The following CHRNA9 variants were observed in gnomAD, a reference collection of about 807,000 sequenced individuals.
CHRNA9 encodes the protein neuronal acetylcholine receptor subunit alpha-9.
A neutral mutation model predicts 36.8 loss-of-function variants in CHRNA9; 24 were observed. That is an observed-to-expected ratio of 0.65 (90% confidence interval 0.47 to 0.92). The LOEUF (loss-of-function observed/expected upper bound fraction) is 0.92. CHRNA9 is among the 40% of genes least tolerant of loss of function. CHRNA9 has a pLI of 0.00. For missense variants in CHRNA9, 610 were observed against 601.2 expected, an observed-to-expected ratio of 1.01 and a Z score of -0.15; for synonymous variants, 231 against 231.8, an observed-to-expected ratio of 1.00 and a Z score of 0.03.
chr4:40,337,643 T>C (rs972610839), intron 3 of CHRNA9, among the ~76,000 whole-genome samples: 3 of 152,032 alleles, frequency 2.0e-5, no homozygotes, highest in Non-Finnish European at 2.9e-5. Flanking sequence ...CATAACAGAG[T>C]AGCACAGATT....
In CHRNA9 at chr4:40,354,604, C is replaced by T. The variant is rs749110452; in HGVS notation, c.*84C>T. The T allele has an allele frequency of 1.4e-4, 174 of 1,209,130 alleles. No individual in the cohort carries two copies. The highest frequency in any genetic ancestry group is 1.2e-4 in the Non-Finnish European group (101 of 858,584). 74.9% of individuals were successfully genotyped at this position (1,209,130 alleles called of 1,614,324 possible). A position where few individuals can be genotyped will look rare whatever the true frequency, so the allele number is the denominator to read the frequency against. Reference sequence around the variant, plus strand: ...CCAATGTTCTTCCAAGATTTTTGTTCATCTATAATTTAGGGGTTATGTTGT... The same window carrying T: ...CCAATGTTCTTCCAAGATTTTTGTTTATCTATAATTTAGGGGTTATGTTGT... On this transcript the variant is annotated 3_prime_UTR_variant, in exon 5 of 5. Coordinates refer to ENST00000310169, the MANE Select transcript of CHRNA9 (RefSeq NM_017581.4).
intron 3 of CHRNA9, 147 bp from the exon 4 acceptor site, chr4:40,348,735 G>A (rs984880282): frequency 5.9e-5 from 41 of 694,826 alleles, no homozygotes; most frequent in Non-Finnish European, 9.1e-5. Context: ...AATTAGAGTT[G>A]ATTCCAGACT....
At chr4:40,341,175 T>A (rs939953760) in intron 3 of CHRNA9, among the ~76,000 whole-genome samples, 2 of 152,110 alleles carry the variant, frequency 1.3e-5, no homozygotes, top group Non-Finnish European at 2.9e-5. Context: ...GTGGCTGGTA[T>A]AAGAGGCTAC....
rs533343838 is a variant in CHRNA9, at chr4:40,345,135, A to C, written c.366-3747A>C. The stretch of plus-strand genomic sequence containing the variant: ...GAATAGATCATGGAATATCTAGAAC[A>C]CTAAACTGCGGAGGTGCAGAAGTAT... On this transcript the variant is annotated intron_variant, in intron 3 of 4. Transcript: ENST00000310169. Among the ~76,000 whole-genome samples the C allele has an allele frequency of 1.4e-4, 22 of 152,332 alleles. No homozygotes were observed. The East Asian group carries it at 4.0e-3, about 28-fold the overall frequency.
In CHRNA9 at chr4:40,348,882, G is replaced by A. The variant is rs551359710; in HGVS notation, c.366G>A (p.Lys122=). The change falls in exon 4 of 5, where the codon AAG becomes AAA. Residue 122 remains lysine (K), a splice_region_variant and synonymous_variant. Transcript: ENST00000310169. ...TTCATTTTCCTTATCTGACCTTCAG[G>A]GCTGATGATGAATCTTCAGAGCCTG... is the stretch of plus-strand genomic sequence containing the variant. The part of the protein sequence containing the change: ...VWRPDIVLYN[K]ADDESSEPVN... The A allele has an allele frequency of 6.8e-6, 11 of 1,610,642 alleles. No individual in the cohort carries two copies. The African/African-American group carries it at 9.3e-5, about 14-fold the overall frequency.
In CHRNA9 at chr4:40,354,610, T is replaced by C. The variant is rs1394263834; in HGVS notation, c.*90T>C. 9.2e-7 allele frequency: 1 copy of C among 1,087,200 alleles called. No individual in the cohort carries two copies. The highest frequency in any genetic ancestry group is 1.3e-6 in the Non-Finnish European group (1 of 747,970). 67.3% of individuals were successfully genotyped at this position (1,087,200 alleles called of 1,614,324 possible). ...TTCTTCCAAGATTTTTGTTCATCTA[T>C]AATTTAGGGGTTATGTTGTCTGTGC... On this transcript the variant is annotated 3_prime_UTR_variant, in exon 5 of 5. Transcript: ENST00000310169.
Position 40,354,095 on chromosome 4 carries a change from G to A in CHRNA9, c.1015G>A (p.Val339Met). The change falls in exon 5 of 5, where the codon GTG becomes ATG. Residue 339 changes from valine (V) to methionine (M), a missense_variant. Val to Met is a conservative substitution (Grantham distance 21, BLOSUM62 1). Coordinates refer to ENST00000310169, the MANE Select transcript of CHRNA9 (RefSeq NM_017581.4). ...EARPVPHWAR[V>M]VILKYMSRVL... ...CCGGCCGGTGCCACACTGGGCCAGG[G>A]TGGTCATCCTGAAATACATGTCCAG... The A allele has an allele frequency of 6.2e-7, 1 of 1,614,230 alleles. No homozygotes were observed. Among genetic ancestry groups the A allele is most frequent in the Non-Finnish European group, 8.5e-7 (1 of 1,180,032 alleles).
Position 40,349,294 on chromosome 4 carries a change from T to C in CHRNA9, c.778T>C (p.Tyr260His), listed in dbSNP as rs575272849. Residue 260 changes from tyrosine (Y) to histidine (H), a missense_variant, in exon 4 of 5, where the codon TAT becomes CAT. Tyr to His is a moderately conservative substitution (Grantham distance 83, BLOSUM62 2). Transcript: ENST00000310169. The part of the protein sequence containing the change: ...LISFLAPLSF[Y>H]LPAASGEKVS... ...ATCTTTTCTGGCTCCTCTGAGTTTT[T>C]ATCTCCCAGCAGCCTCCGGAGAAAA... is the stretch of plus-strand genomic sequence containing the variant. 4.3e-6 allele frequency: 7 copies of C among 1,614,198 alleles called. No homozygotes were observed. The highest frequency in any genetic ancestry group is 1.7e-5 in the Admixed American group (1 of 60,020).
intron 2 of CHRNA9, 127 bp from the exon 3 acceptor site, chr4:40,337,083 C>A: frequency 2.5e-6 from 2 of 786,406 alleles, no homozygotes; most frequent in Non-Finnish European, 4.1e-6. Flanking sequence ...AAGAATAAAG[C>A]TCTCACTTTA....
intron 4 of CHRNA9, among the ~76,000 whole-genome samples, chr4:40,350,871 G>A (rs1052076425): frequency 3.4e-4 from 52 of 152,174 alleles, no homozygotes; most frequent in African/African-American, 1.2e-3. Context: ...AAGATCATGG[G>A]GCGGTCCCAC....
At position 40,339,379 on chromosome 4, in the gene CHRNA9, TA is replaced by T. The variant is rs1179008532; in HGVS notation, c.365+2017del. Among the ~76,000 whole-genome samples, 1,435 of 150,954 alleles carry T rather than the reference TA, an allele frequency of 9.5e-3. 35 individuals carry two copies. Among genetic ancestry groups the T allele is most frequent in the African/African-American group, 0.033 (1,366 of 41,002 alleles). On this transcript the variant is annotated intron_variant, in intron 3 of 4. Transcript: ENST00000310169. ...AGAATTCTGTAAGTTCTTTTTTTTT[TA>T]ATTTTAAGACAGGGTCTGGGGGCCA...
intron 2 of CHRNA9, 29 bp downstream of exon 2, chr4:40,336,001 G>A: frequency 6.3e-7 from 1 of 1,589,732 alleles, no homozygotes; most frequent in East Asian, 2.2e-5. Flanking sequence ...TGACTCTGTG[G>A]AATGATTCTT....
intron 3 of CHRNA9, among the ~76,000 whole-genome samples, chr4:40,342,931 AG>A (rs1473910473): frequency 6.6e-6 from 1 of 152,034 alleles, no homozygotes; most frequent in Non-Finnish European, 1.5e-5. Context: ...AGGAAGAGAG[AG>A]GGGGGAACTT....
At position 40,337,270 on chromosome 4, in the gene CHRNA9, T is replaced by C. The variant is rs1712350955; in HGVS notation, c.271T>C (p.Tyr91His). The C allele has an allele frequency of 5.6e-6, 9 of 1,614,220 alleles. No individual in the cohort carries two copies. Among genetic ancestry groups the C allele is most frequent in the Non-Finnish European group, 7.6e-6 (9 of 1,180,032 alleles). Residue 91 changes from tyrosine (Y) to histidine (H), a missense_variant, in exon 3 of 5, where the codon TAT becomes CAT. Tyr to His is a moderately conservative substitution (Grantham distance 83). Coordinates refer to ENST00000310169, the MANE Select transcript of CHRNA9 (RefSeq NM_017581.4). ...LWIRQIWHDA[Y>H]LTWDRDQYDG... is the part of the protein sequence containing the mutation. ...GATCCGCCAAATCTGGCACGATGCC[T>C]ATCTCACGTGGGACCGAGATCAGTA...
chr4:40,339,195 C>T (rs573387798), intron 3 of CHRNA9, among the ~76,000 whole-genome samples: 6 of 142,806 alleles, frequency 4.2e-5, no homozygotes, highest in Non-Finnish European at 7.5e-5. Context: ...AGGAAACTCA[C>T]TTAAACCCGG....
At chr4:40,353,453 T>C (rs932784716) in intron 4 of CHRNA9, among the ~76,000 whole-genome samples, 1 of 150,278 alleles carries the variant, frequency 6.7e-6, no homozygotes, top group South Asian at 2.1e-4. Context: ...ATTGCACCAC[T>C]GCACTCCAGT....
In CHRNA9 at chr4:40,349,227, C is replaced by T; in HGVS notation, c.711C>T (p.Ser237=). 6.2e-7 allele frequency: 1 copy of T among 1,614,128 alleles called. No individual in the cohort carries two copies. The highest frequency in any genetic ancestry group is 8.5e-7 in the Non-Finnish European group (1 of 1,179,990). The change falls in exon 4 of 5, where the codon TCC becomes TCT. Residue 237 remains serine, a synonymous_variant. Coordinates refer to ENST00000310169, the MANE Select transcript of CHRNA9 (RefSeq NM_017581.4). ...VTFTLLLKRR[S]SFYIVNLLIP... ...TCACCCTCCTTCTGAAGAGGAGGTC[C>T]TCGTTCTATATCGTCAACCTCCTCA...
At chr4:40,341,286 G>GT (rs1712494360) in intron 3 of CHRNA9, among the ~76,000 whole-genome samples, 1 of 147,222 alleles carries the variant, frequency 6.8e-6, no homozygotes, top group Admixed American at 6.7e-5. Flanking sequence ...TTTTTTTTTT[G>GT]TTTTTTGGCG....
At chr4:40,350,250 G>C (rs980272744) in intron 4 of CHRNA9, among the ~76,000 whole-genome samples, 42 of 152,136 alleles carry the variant, frequency 2.8e-4, no homozygotes, top group African/African-American at 9.9e-4. Flanking sequence ...ACTTGGCCGA[G>C]ATTTGGGAAT....
Sources: gnomAD v4.1 joint callset for allele counts (sites outside exome capture counted in the v4.1 genomes callset) on GRCh38, gnomAD v4.1.1 for gene constraint, MANE v1.5 for transcripts, NCBI Gene and HGNC (gene_info 2026-07-23, HGNC 2026-07-21) for gene names.